ATP7B: variants seen among roughly 807,000 people sequenced by gnomAD.
The protein encoded by ATP7B is copper-transporting ATPase 2.
A neutral mutation model predicts 118.9 loss-of-function variants in ATP7B; 113 were observed. The observed-to-expected ratio is 0.95, with a 90% CI of 0.82 to 1.11. ATP7B has a LOEUF of 1.11. Among genes scored for constraint, ATP7B ranks in the 50% most tolerant of loss-of-function variants. ATP7B has a pLI of 0.00. For synonymous variants in ATP7B, 777 were observed against 727.4 expected, an observed-to-expected ratio of 1.07 and a Z score of -1.10; for missense variants, 1,867 against 1,871.4, an observed-to-expected ratio of 1.00 and a Z score of 0.04.
chr13:51,997,602 G>A (rs188012089), intron 1 of ATP7B, among the ~76,000 whole-genome samples: 1 of 152,266 alleles, frequency 6.6e-6, no homozygotes, highest in African/African-American at 2.4e-5. Context: ...TCCTGTGGGT[G>A]GTGTAGAATC....
chr13:51,986,838 C>T (rs898842884), intron 1 of ATP7B, among the ~76,000 whole-genome samples: 10 of 152,050 alleles, frequency 6.6e-5, no homozygotes, highest in South Asian at 2.1e-4. Context: ...TCTCAATAGA[C>T]GCAGAGAAGA....
At chr13:52,003,503 A>T (rs1199350094) in intron 1 of ATP7B, among the ~76,000 whole-genome samples, 1 of 152,226 alleles carries the variant, frequency 6.6e-6, no homozygotes. Context: ...CAGATATAAT[A>T]ATAATGAAAA....
At chr13:51,975,944 G>A (rs1952096843) in intron 1 of ATP7B, among the ~76,000 whole-genome samples, 1 of 152,220 alleles carries the variant, frequency 6.6e-6, no homozygotes, top group Non-Finnish European at 1.5e-5. Flanking sequence ...GCCCTCCTGG[G>A]TGTTCAGGAG....
At chr13:52,010,589 CACAT>C (rs1260294704) in intron 1 of ATP7B, among the ~76,000 whole-genome samples, 3 of 152,144 alleles carry the variant, frequency 2.0e-5, no homozygotes, top group African/African-American at 7.2e-5. Context: ...AAAGAGAATG[CACAT>C]ACAGTGATCT....
At chr13:51,943,538 G>C (rs968155685) in intron 14 of ATP7B, among the ~76,000 whole-genome samples, 3 of 152,194 alleles carry the variant, frequency 2.0e-5, no homozygotes, top group Non-Finnish European at 2.9e-5. Flanking sequence ...GCAATATTCT[G>C]TGTGACGCGT....
In ATP7B at chr13:51,935,740, G is replaced by A. The variant is rs1374074682; in HGVS notation, c.4022-45C>T. The A allele has an allele frequency of 5.2e-6, 8 of 1,547,502 alleles. No homozygotes were observed. The Admixed American group carries it at 5.6e-5, about 11-fold the overall frequency. ...CACTCACACCTAGGTCTGGGGAGAG[G>A]AGCCAGGAGAGGGCTTCAGGCACCG... is the stretch of plus-strand genomic sequence containing the variant. On this transcript the variant is annotated intron_variant, in intron 19 of 20. Coordinates refer to ENST00000242839, the MANE Select transcript of ATP7B (RefSeq NM_000053.4).
rs1951468040 is a variant in ATP7B, at chr13:51,964,939, G to A, written c.1802C>T (p.Thr601Ile). ...GTCAAACTTAACAAGGGCTTTGCTGGTGGCAAGGGCAACGGAGGCATAAGT... is the reference window on the plus strand; with the variant it reads ...GTCAAACTTAACAAGGGCTTTGCTGATGGCAAGGGCAACGGAGGCATAAGT... ...GITYASVALA[T>I]SKALVKFDPE... The change falls in exon 5 of 21, where the codon ACC becomes ATC. Residue 601 changes from threonine (T) to isoleucine (I), a missense_variant. Coordinates refer to ENST00000242839, the MANE Select transcript of ATP7B (RefSeq NM_000053.4). 3.1e-6 allele frequency: 5 copies of A among 1,614,134 alleles called. No homozygotes were observed. The South Asian group carries it at 4.4e-5, about 14-fold the overall frequency.
At chr13:51,985,170 C>T (rs898406721) in intron 1 of ATP7B, among the ~76,000 whole-genome samples, 2 of 152,118 alleles carry the variant, frequency 1.3e-5, no homozygotes, top group African/African-American at 2.4e-5. Context: ...ATTCAGGAGA[C>T]CCACCTCATG....
At chr13:51,991,250 T>C (rs910788509) in intron 1 of ATP7B, among the ~76,000 whole-genome samples, 2 of 152,158 alleles carry the variant, frequency 1.3e-5, no homozygotes, top group African/African-American at 4.8e-5. Context: ...TAAATCTACT[T>C]CTAGTTCATT....
In ATP7B at chr13:51,934,899, A is replaced by G; in HGVS notation, c.4255T>C (p.Trp1419Arg). 1 of 1,614,184 alleles carries G rather than the reference A, an allele frequency of 6.2e-7. No homozygotes were observed. The highest frequency in any genetic ancestry group is 1.7e-4 in the Middle Eastern group (1 of 6,056). The stretch of plus-strand genomic sequence containing the variant: ...TGGCTGACATAGCTGACCTGGTCCC[A>G]TGGTGTGGCCCTGGGGGAGTCCCGC... ...RWRDSPRATP[W>R]DQVSYVSQVS... The change falls in exon 21 of 21, where the codon TGG becomes CGG. Residue 1419 changes from tryptophan (W) to arginine (R), a missense_variant. By Grantham distance (101) the Trp-to-Arg change is moderately radical. Transcript: ENST00000242839.
At chr13:51,972,423 G>C (rs1375862118) in intron 2 of ATP7B, among the ~76,000 whole-genome samples, 1 of 146,740 alleles carries the variant, frequency 6.8e-6, no homozygotes, top group Admixed American at 6.8e-5. Context: ...CTGCATTTCC[G>C]GCCCCACACT....
chr13:51,998,593 T>A (rs145242180), intron 1 of ATP7B, among the ~76,000 whole-genome samples: 2 of 152,342 alleles, frequency 1.3e-5, no homozygotes, highest in South Asian at 2.1e-4. Flanking sequence ...AAGGATTTCC[T>A]TGCACTAGAT....
At chr13:51,996,181 T>G (rs1382085008) in intron 1 of ATP7B, among the ~76,000 whole-genome samples, 1 of 152,198 alleles carries the variant, frequency 6.6e-6, no homozygotes, top group African/African-American at 2.4e-5. Flanking sequence ...TTGTTTTCCC[T>G]TGGACCAAAG....
Position 52,011,416 on chromosome 13 carries a change from G to GTTA in ATP7B, c.-82_-80dup. ...CCTGGTCGGTGGAGGAGAGCGGGGT[G>GTTA]TTAAAGTCCCGGGAGAGGAGGCGCA... On this transcript the variant is annotated 5_prime_UTR_variant, in exon 1 of 21. Coordinates refer to ENST00000242839, the MANE Select transcript of ATP7B (RefSeq NM_000053.4). 1 of 1,594,238 alleles carries GTTA rather than the reference G, an allele frequency of 6.3e-7. No homozygotes were observed. Among genetic ancestry groups the GTTA allele is most frequent in the Non-Finnish European group, 8.6e-7 (1 of 1,163,256 alleles).
intron 1 of ATP7B, among the ~76,000 whole-genome samples, chr13:51,978,391 A>C (rs571674838): frequency 6.6e-6 from 1 of 152,364 alleles, no homozygotes; most frequent in East Asian, 1.9e-4. Context: ...CATTCCAACC[A>C]CACTGGCACA....
intron 6 of ATP7B, among the ~76,000 whole-genome samples, chr13:51,960,845 T>C (rs1304283496): frequency 6.6e-6 from 1 of 151,636 alleles, no homozygotes; most frequent in Non-Finnish European, 1.5e-5. Context: ...GAATCGGGGG[T>C]CATGGCTGAC....
chr13:51,957,706 G>T, intron 8 of ATP7B, 99 bp from the exon 9 acceptor site: 1 of 1,170,902 alleles, frequency 8.5e-7, no homozygotes, highest in Non-Finnish European at 1.3e-6. Context: ...CAGCTGGTGC[G>T]AGAGAAACAG....
intron 9 of ATP7B, among the ~76,000 whole-genome samples, chr13:51,956,585 A>C (rs981330842): frequency 6.6e-6 from 1 of 152,138 alleles, no homozygotes; most frequent in Admixed American, 6.5e-5. Flanking sequence ...GCCACGGAGG[A>C]GGCTAGCTGT....
chr13:51,944,129 C>A lies in ATP7B; in HGVS notation c.3223G>T (p.Val1075Phe). ...ASSEHPLGVA[V>F]TKYCKEELGT... ...CGTACCTCTTTACAGTATTTGGTGA[C>A]TGCCACGCCCAAGGGGTGTTCACTG... Residue 1075 changes from valine (V) to phenylalanine (F), a missense_variant, in exon 14 of 21, where the codon GTC (valine) becomes TTC (phenylalanine). By Grantham distance (50) the Val-to-Phe change is conservative (BLOSUM62 -1). Transcript: ENST00000242839. 1 of 1,614,140 alleles carries A rather than the reference C, an allele frequency of 6.2e-7. No individual in the cohort carries two copies. Among genetic ancestry groups the A allele is most frequent in the South Asian group, 1.1e-5 (1 of 91,082 alleles).
Sources: allele counts gnomAD v4.1 joint callset (sites outside exome capture counted in the v4.1 genomes callset), GRCh38; gene constraint gnomAD v4.1.1; transcripts MANE v1.5; gene names NCBI Gene and HGNC (gene_info 2026-07-23, HGNC 2026-07-21).